TRMU: variants seen among roughly 807,000 people sequenced by gnomAD.
The protein encoded by TRMU is mitochondrial tRNA-specific 2-thiouridylase 1.
TRMU carries 49 observed loss-of-function variants against 46.9 expected under a neutral mutation model. That is an observed-to-expected ratio of 1.05 (90% CI 0.83 to 1.33). The LOEUF is 1.33. TRMU is among the 40% of genes most tolerant of loss of function. TRMU has a pLI of 0.00. For synonymous variants in TRMU, 241 were observed against 200.9 expected (o/e 1.20, Z -1.69); for missense variants, 572 against 532.4 (o/e 1.07, Z -0.73).
chr22:46,356,628 G>A (rs572469004), intron 10 of TRMU: 62 of 594,406 alleles, frequency 1.0e-4, no homozygotes, highest in Non-Finnish European at 1.8e-4. Flanking sequence ...TCAGGGAGAG[G>A]TACCCTGAAG....
At chr22:46,341,185 G>A (rs999527293) in intron 2 of TRMU, among the ~76,000 whole-genome samples, 3 of 152,276 alleles carry the variant, frequency 2.0e-5, no homozygotes, top group Admixed American at 1.3e-4. Flanking sequence ...CAAAACACAC[G>A]CCTTCCCATC....
At position 46,350,096 on chromosome 22, in the gene TRMU, G is replaced by GT. The variant is rs879199415; in HGVS notation, c.479-184dup. Among the ~76,000 whole-genome samples the GT allele has an allele frequency of 0.021, 2,819 of 136,492 alleles. 51 individuals carry two copies. Among genetic ancestry groups the GT allele is most frequent in the African/African-American group, 0.058 (2,164 of 37,432 alleles). 89.5% of individuals were successfully genotyped at this position (136,492 alleles called of 152,430 possible). On this transcript the variant is annotated intron_variant, in intron 4 of 10. Coordinates refer to ENST00000645190, the MANE Select transcript of TRMU (RefSeq NM_018006.5). The surrounding 1 kb of genome is among the most constrained non-coding windows in gnomAD (Gnocchi z 4.6). ...AATTTCTTTGTCATGTAAAATCCTT[G>GT]TTTTTTTTTTTGGAGGTGCGAATTT...
At chr22:46,343,561 G>C (rs549909759) in intron 3 of TRMU, among the ~76,000 whole-genome samples, 193 bp downstream of exon 3, 52 of 152,150 alleles carry the variant, frequency 3.4e-4, no homozygotes, top group African/African-American at 1.3e-3. Flanking sequence ...TTTTTGTGGA[G>C]ATGGTGTCAC....
In TRMU at chr22:46,350,827, G is replaced by A. The variant is rs758716714; in HGVS notation, c.651+364G>A. Among the ~76,000 whole-genome samples, 1 of 152,192 alleles carries A rather than the reference G, an allele frequency of 6.6e-6. No individual in the cohort carries two copies. The highest frequency in any genetic ancestry group is 2.4e-5 in the African/African-American group (1 of 41,438). On this transcript the variant is annotated intron_variant, in intron 5 of 10. Transcript: ENST00000645190. The surrounding 1 kb of genome is among the most constrained non-coding windows in gnomAD (Gnocchi z 4.6). Reference sequence around the variant, plus strand: ...CTGGAGGGGCAGGTGCTGTGCCGCCGTCTGCACACTCATGTGCCCTGTCAC... The same window carrying A: ...CTGGAGGGGCAGGTGCTGTGCCGCCATCTGCACACTCATGTGCCCTGTCAC...
At chr22:46,354,995 C>T (rs2078552925) in intron 8 of TRMU, 1 of 225,366 alleles carries the variant, frequency 4.4e-6, no homozygotes. Context: ...TCCCTCCTTT[C>T]TCCTCAGCCA....
At chr22:46,346,599 T>G in intron 4 of TRMU, 55 bp downstream of exon 4, 2 of 1,585,124 alleles carry the variant, frequency 1.3e-6, no homozygotes, top group Non-Finnish European at 1.7e-6. Context: ...TTGAAATCTT[T>G]GGAGGAATGA....
Position 46,338,272 on chromosome 22 carries a change from C to A in TRMU, c.248+328C>A, listed in dbSNP as rs953434412. ...TGAGGGCTCCCCTGGAAGGTGAGCACCAATGCCTGTGTGCTATGTGGGTCA... is the reference window on the plus strand; with the variant it reads ...TGAGGGCTCCCCTGGAAGGTGAGCAACAATGCCTGTGTGCTATGTGGGTCA... On this transcript the variant is annotated intron_variant, in intron 2 of 10. Coordinates refer to ENST00000645190, the MANE Select transcript of TRMU (RefSeq NM_018006.5). This position sits in a 1 kb window ranked among gnomAD's most constrained non-coding sequence, Gnocchi z 4.5. 1 of 374,934 alleles carries A rather than the reference C, an allele frequency of 2.7e-6. No individual in the cohort carries two copies. Among genetic ancestry groups the A allele is most frequent in the Non-Finnish European group, 5.1e-6 (1 of 194,484 alleles). 23.2% of individuals were successfully genotyped at this position (374,934 alleles called of 1,614,324 possible).
chr22:46,344,766 C>T (rs115736097), intron 3 of TRMU, among the ~76,000 whole-genome samples: 3,591 of 152,322 alleles, frequency 0.024, 56 homozygotes, highest in Non-Finnish European at 0.031. Context: ...GAACTCACCG[C>T]GCTTCTCAGA....
chr22:46,344,516 C>A (rs2078201958), intron 3 of TRMU, among the ~76,000 whole-genome samples: 1 of 152,196 alleles, frequency 6.6e-6, no homozygotes, highest in African/African-American at 2.4e-5. Flanking sequence ...GTGACACCAG[C>A]AGACAGTTAG....
chr22:46,346,521 GA>G lies in TRMU; in HGVS notation c.458del (p.Asn153IlefsTer9). ...GTTAAGAAGCCCGAAGGGCTTTTCA[GA>G]AATCGGTTTGAAGTTAGAAATGGTA... Reference protein sequence around the residue: ...KHVKKPEGLFRNRFEVRNAVK... With the variant: ...KHVKKPEGLFXNRFEVRNAVK... On this transcript the variant is annotated frameshift_variant, in exon 4 of 11. Coordinates refer to ENST00000645190, the MANE Select transcript of TRMU (RefSeq NM_018006.5). LOFTEE classifies it high-confidence loss of function. 3 of 1,612,604 alleles carry G rather than the reference GA, an allele frequency of 1.9e-6. No individual in the cohort carries two copies. The highest frequency in any genetic ancestry group is 2.5e-6 in the Non-Finnish European group (3 of 1,179,006).
In TRMU at chr22:46,349,878, G is replaced by GTGGT; in HGVS notation, c.479-410_479-407dup. On this transcript the variant is annotated intron_variant, in intron 4 of 10. Coordinates refer to ENST00000645190, the MANE Select transcript of TRMU (RefSeq NM_018006.5). This position sits in a 1 kb window ranked among gnomAD's most constrained non-coding sequence, Gnocchi z 4.6. ...AACCACTGTGGCACGAACACATCCT[G>GTGGT]TGGTTGTTGGAAGAAGGCACAGCTG... is the stretch of plus-strand genomic sequence containing the variant. Among the ~76,000 whole-genome samples, 1 of 152,152 alleles carries GTGGT rather than the reference G, an allele frequency of 6.6e-6. No individual in the cohort carries two copies.
intron 7 of TRMU, 65 bp from the exon 8 acceptor site, chr22:46,353,702 G>A: frequency 2.0e-6 from 3 of 1,481,358 alleles, no homozygotes; most frequent in South Asian, 2.3e-5. Context: ...CTGCCTTCAT[G>A]ATGAGGCGTG....
Position 46,352,307 on chromosome 22 carries a change from A to G in TRMU, c.749A>G (p.Asn250Ser), listed in dbSNP as rs370586811. Residue 250 changes from asparagine (N) to serine (S), a missense_variant, in exon 7 of 11, where the codon AAT becomes AGT. Transcript: ENST00000645190. ...GGTCACTTTATTTCCATAGAAGACA[A>G]TAAGGTTCTGGGAACACATAAAGGT... is the stretch of plus-strand genomic sequence containing the variant. ...RPGHFISIED[N>S]KVLGTHKGWF... The G allele has an allele frequency of 4.2e-5, 67 of 1,614,044 alleles. No homozygotes were observed. Among genetic ancestry groups the G allele is most frequent in the East Asian group, 6.7e-5 (3 of 44,874 alleles).
In TRMU at chr22:46,350,522, CG is replaced by C. The variant is rs2078387700; in HGVS notation, c.651+61del. ...GTTTCCCTTTCCCGACTGCATGGCA[CG>C]GAGCAGCTGGACCTGTGGGTCCCGC... On this transcript the variant is annotated intron_variant, in intron 5 of 10. Transcript: ENST00000645190. The surrounding 1 kb of genome is among the most constrained non-coding windows in gnomAD (Gnocchi z 4.6). 7.5e-6 allele frequency: 12 copies of C among 1,601,644 alleles called. No individual in the cohort carries two copies. In the Admixed American group the frequency reaches 2.0e-4, roughly 27 times the overall value.
Position 46,348,817 on chromosome 22 carries a change from G to GAA in TRMU, c.479-1473_479-1472insAA, listed in dbSNP as rs987550152. On this transcript the variant is annotated intron_variant, in intron 4 of 10. Coordinates refer to ENST00000645190, the MANE Select transcript of TRMU (RefSeq NM_018006.5). The surrounding 1 kb of genome is among the most constrained non-coding windows in gnomAD (Gnocchi z 4.8). Reference sequence around the variant, plus strand: ...AGGCTTTTACACACATGCAGTGTTTGACTGCAGTTAGTTTGGGATTGAAAG... The same window carrying GAA: ...AGGCTTTTACACACATGCAGTGTTTGAAACTGCAGTTAGTTTGGGATTGAAAG... Among the ~76,000 whole-genome samples the GAA allele has an allele frequency of 8.5e-5, 13 of 152,170 alleles. No individual in the cohort carries two copies. The highest frequency in any genetic ancestry group is 3.1e-4 in the African/African-American group (13 of 41,432).
chr22:46,340,517 G>C (rs2078095054), intron 2 of TRMU, among the ~76,000 whole-genome samples: 1 of 141,110 alleles, frequency 7.1e-6, no homozygotes, highest in African/African-American at 3.2e-5. Flanking sequence ...TAGGAGCGGA[G>C]CTGGGATTAA....
At chr22:46,356,210 C>A in intron 10 of TRMU, 138 bp downstream of exon 10, 1 of 889,512 alleles carries the variant, frequency 1.1e-6, no homozygotes, top group Non-Finnish European at 1.8e-6. Flanking sequence ...GGCAGAGTGC[C>A]ACCAGCCCTG....
Position 46,344,381 on chromosome 22 carries a change from C to G in TRMU, c.355+1013C>G, listed in dbSNP as rs571860027. Among the ~76,000 whole-genome samples the G allele has an allele frequency of 1.1e-4, 17 of 152,312 alleles. 1 individual carries two copies. In the East Asian group the frequency reaches 3.1e-3, roughly 28 times the overall value. On this transcript the variant is annotated intron_variant, in intron 3 of 10. Coordinates refer to ENST00000645190, the MANE Select transcript of TRMU (RefSeq NM_018006.5). ...AGTTATTCAGGAAAAGAGTGATAGA[C>G]TGATAGAATGTGAATTGATTTTTAT... is the stretch of plus-strand genomic sequence containing the variant.
chr22:46,354,039 G>A, intron 8 of TRMU, 172 bp downstream of exon 8: 1 of 651,390 alleles, frequency 1.5e-6, no homozygotes, highest in South Asian at 1.6e-5. Context: ...ATGGTGGCAG[G>A]AGAGTTTTAA....
Sources: allele counts gnomAD v4.1 joint callset (sites outside exome capture counted in the v4.1 genomes callset), GRCh38; gene constraint gnomAD v4.1.1; non-coding constraint Gnocchi (gnomAD v3.1); transcripts MANE v1.5; gene names NCBI Gene and HGNC (gene_info 2026-07-23, HGNC 2026-07-21).